Variants in LCOR observed in about 807,000 individuals in gnomAD.
LCOR encodes ligand dependent nuclear receptor corepressor, also known as ligand-dependent corepressor.
In LCOR, 14 loss-of-function variants were observed where a neutral mutation model predicts 64.4. The ratio of observed to expected loss-of-function variants is 0.22; its 90% CI spans 0.14 to 0.34. The LOEUF is 0.34. LCOR is among the 10% of genes least tolerant of loss of function. The pLI is 1.00. For missense variants in LCOR, 1,686 were observed against 1,765.3 expected (o/e 0.96, Z 0.80); for synonymous variants, 643 against 642.5 (o/e 1.00, Z -0.01).
chr10:96,990,802 T>C lies in LCOR; in HGVS notation c.*5668T>C, dbSNP rs1296292336. On this transcript the variant is annotated 3_prime_UTR_variant, in exon 8 of 8. Transcript: ENST00000421806. Reference sequence around the variant, plus strand: ...TGCTCAGTGCTCAGGAGATGTCCTTTGCTCCATCCTTCAGAGGGGCAGTTG... The same window carrying C: ...TGCTCAGTGCTCAGGAGATGTCCTTCGCTCCATCCTTCAGAGGGGCAGTTG... The C allele has an allele frequency of 6.6e-6, 1 of 152,192 alleles. No individual in the cohort carries two copies. The highest frequency in any genetic ancestry group is 1.5e-5 in the Non-Finnish European group (1 of 68,046). 9.4% of individuals were successfully genotyped at this position (152,192 alleles called of 1,614,324 possible). A position where few individuals can be genotyped will look rare whatever the true frequency, so the allele number is the denominator to read the frequency against.
At chr10:96,926,714 C>T (rs1197943405) in intron 4 of LCOR, among the ~76,000 whole-genome samples, 1 of 152,032 alleles carries the variant, frequency 6.6e-6, no homozygotes, top group Non-Finnish European at 1.5e-5. Context: ...AGTCAGTCCC[C>T]TTCCCAGACT....
At chr10:96,863,595 A>G (rs954228643) in intron 2 of LCOR, among the ~76,000 whole-genome samples, 1 of 152,160 alleles carries the variant, frequency 6.6e-6, no homozygotes, top group African/African-American at 2.4e-5. Flanking sequence ...TGCTGTGGAA[A>G]CGTGAAGTGT....
intron 6 of LCOR, among the ~76,000 whole-genome samples, chr10:96,950,073 G>A (rs1847651561): frequency 6.6e-6 from 1 of 152,122 alleles, no homozygotes; most frequent in Non-Finnish European, 1.5e-5. Flanking sequence ...CTCAGCCACT[G>A]TTTGAACCAC....
At chr10:96,913,774 T>G (rs1393235468) in intron 4 of LCOR, among the ~76,000 whole-genome samples, 1 of 151,992 alleles carries the variant, frequency 6.6e-6, no homozygotes, top group Non-Finnish European at 1.5e-5. Flanking sequence ...ATACAAAAAT[T>G]TTAGCTGACT....
At chr10:96,882,281 G>A (rs1846276293) in intron 2 of LCOR, among the ~76,000 whole-genome samples, 1 of 152,162 alleles carries the variant, frequency 6.6e-6, no homozygotes, top group African/African-American at 2.4e-5. Context: ...TGTAGCATAT[G>A]TTATTTTGGT....
chr10:96,863,206 GT>G (rs869227042), intron 2 of LCOR, among the ~76,000 whole-genome samples: 5,348 of 125,708 alleles, frequency 0.043, 115 homozygotes, highest in African/African-American at 0.075. Context: ...TTCTTTTTCT[GT>G]TTTTTTTTTT....
intron 2 of LCOR, among the ~76,000 whole-genome samples, chr10:96,869,910 A>C (rs1437349890): frequency 2.0e-5 from 3 of 151,972 alleles, no homozygotes; most frequent in East Asian, 3.9e-4. Flanking sequence ...ATTTAGGTAC[A>C]CTGAACTGTA....
At chr10:96,953,401 A>C (rs1461038101) in intron 7 of LCOR, among the ~76,000 whole-genome samples, 1 of 151,998 alleles carries the variant, frequency 6.6e-6, no homozygotes, top group African/African-American at 2.4e-5. Flanking sequence ...AAAATACAAA[A>C]ATTGGCCAGG....
chr10:96,841,362 C>CCT (rs758027760), intron 2 of LCOR, among the ~76,000 whole-genome samples: 1 of 134,816 alleles, frequency 7.4e-6, no homozygotes, highest in Admixed American at 7.5e-5. Context: ...AAAACTTACA[C>CCT]TTTTTTTTTT....
chr10:96,895,359 A>C (rs1414788155), intron 2 of LCOR, among the ~76,000 whole-genome samples: 1 of 152,204 alleles, frequency 6.6e-6, no homozygotes, highest in East Asian at 1.9e-4. Flanking sequence ...CACATCATCA[A>C]GCAAGTTGGT....
intron 4 of LCOR, among the ~76,000 whole-genome samples, chr10:96,928,399 T>C (rs145201079): frequency 6.6e-6 from 1 of 152,296 alleles, no homozygotes; most frequent in African/African-American, 2.4e-5. Flanking sequence ...TGTAGACTCA[T>C]TTAAAAAAAA....
chr10:96,923,650 A>C (rs1024290963), intron 4 of LCOR, among the ~76,000 whole-genome samples: 5 of 152,364 alleles, frequency 3.3e-5, no homozygotes, highest in Admixed American at 6.5e-5. Context: ...TTTATTGTTA[A>C]AAATTTAACC....
Position 96,956,982 on chromosome 10 carries a change from T to C in LCOR, c.332+4786T>C, listed in dbSNP as rs939677067. The C allele has an allele frequency of 5.1e-6, 5 of 985,116 alleles. No individual in the cohort carries two copies. In the Admixed American group the frequency reaches 1.8e-4, roughly 36 times the overall value. 61.0% of individuals were successfully genotyped at this position (985,116 alleles called of 1,614,324 possible). A position where few individuals can be genotyped will look rare whatever the true frequency, so the allele number is the denominator to read the frequency against. On this transcript the variant is annotated intron_variant, in intron 7 of 7. Transcript: ENST00000421806. The stretch of plus-strand genomic sequence containing the variant: ...TGATACTTAGATTTTACAGCCTCAG[T>C]AGTCTGCCCAGTGTCCACATTAATG...
intron 4 of LCOR, among the ~76,000 whole-genome samples, chr10:96,920,791 C>CACGGTGGGGGGGTGGTGG (rs1847066228): frequency 1.5e-5 from 1 of 64,650 alleles, no homozygotes; most frequent in African/African-American, 1.8e-4. Flanking sequence ...CACACACACA[C>CACGGTGGGGGGGTGGTGG]GCGCGGTGGG....
chr10:96,916,493 A>T (rs1846947308), intron 4 of LCOR, among the ~76,000 whole-genome samples: 1 of 151,730 alleles, frequency 6.6e-6, no homozygotes, highest in Non-Finnish European at 1.5e-5. Flanking sequence ...ATCAATAAGT[A>T]TTTACCTGTG....
chr10:96,936,462 A>T (rs550243983), intron 4 of LCOR, among the ~76,000 whole-genome samples: 4 of 152,370 alleles, frequency 2.6e-5, no homozygotes, highest in South Asian at 4.1e-4. Flanking sequence ...TGGTTTTTTT[A>T]AAATATCAAA....
intron 7 of LCOR, among the ~76,000 whole-genome samples, chr10:96,979,648 T>A (rs1295478338): frequency 2.0e-5 from 3 of 152,202 alleles, no homozygotes; most frequent in Non-Finnish European, 2.9e-5. Context: ...ACTACTACCT[T>A]GCAGTGACAG....
chr10:96,835,733 A>G (rs1263597593), intron 2 of LCOR, among the ~76,000 whole-genome samples: 1 of 152,224 alleles, frequency 6.6e-6, no homozygotes, highest in African/African-American at 2.4e-5. Flanking sequence ...ATTAAAAATT[A>G]ATTCTCATTT....
At position 96,984,869 on chromosome 10, in the gene LCOR, C is replaced by T; in HGVS notation, c.4409C>T (p.Pro1470Leu). 6.2e-7 allele frequency: 1 copy of T among 1,613,918 alleles called. No individual in the cohort carries two copies. Among genetic ancestry groups the T allele is most frequent in the South Asian group, 1.1e-5 (1 of 91,062 alleles). ...AAGTCCGCTGGGAAGAGCTGCCCTCCCTCCAGGAAAGAAAAAGAGAATACA... is the reference window on the plus strand; with the variant it reads ...AAGTCCGCTGGGAAGAGCTGCCCTCTCTCCAGGAAAGAAAAAGAGAATACA... ...PKKSAGKSCP[P>L]SRKEKENTNK... The change falls in exon 8 of 8, where the codon CCC becomes CTC. Residue 1470 changes from proline to leucine, a missense_variant. Around this residue, in one of 3 missense-constraint regions of LCOR, gnomAD observed 1,293 missense variants for 1,410.4 expected, o/e 0.92. Coordinates refer to ENST00000421806, the MANE Select transcript of LCOR (RefSeq NM_001346516.2).
Sources: allele counts gnomAD v4.1 joint callset (sites outside exome capture counted in the v4.1 genomes callset), GRCh38; gene constraint gnomAD v4.1.1; regional missense constraint gnomAD v4.1.1; transcripts MANE v1.5; gene names NCBI Gene and HGNC (gene_info 2026-07-23, HGNC 2026-07-21).